ASB2: variants seen among roughly 807,000 people sequenced by gnomAD.
ASB2 encodes ankyrin repeat and SOCS box containing 2, also known as ankyrin repeat and SOCS box protein 2.
A neutral mutation model predicts 62.4 loss-of-function variants in ASB2; 58 were observed. The ratio of observed to expected loss-of-function variants is 0.93; its 90% confidence interval spans 0.75 to 1.16. The LOEUF is 1.16. Among genes scored for constraint, ASB2 ranks in the 50% most tolerant of loss-of-function variants. The probability of loss-of-function intolerance (pLI) is 0.00; values close to 1 mark genes in which losing one functional copy is unlikely to be tolerated. For synonymous variants in ASB2, 386 were observed against 385.3 expected, an observed-to-expected ratio of 1.00 and a Z score of -0.02; for missense variants, 928 against 887.9, an observed-to-expected ratio of 1.05 and a Z score of -0.57.
chr14:93,954,529 C>T (rs756913390), intron 3 of ASB2, 46 bp from the exon 4 acceptor site: 1 of 1,589,230 alleles, frequency 6.3e-7, no homozygotes, highest in Admixed American at 1.7e-5. Context: ...AGGCCAAGGC[C>T]AGGCCAGGGG....
intron 7 of ASB2, chr14:93,943,980 G>T (rs766934110): frequency 2.2e-6 from 1 of 456,058 alleles, no homozygotes; most frequent in South Asian, 1.5e-5. Flanking sequence ...AAAAACGAGG[G>T]AGGCAGAAGT....
chr14:93,944,390 T>C (rs895761948), intron 7 of ASB2, among the ~76,000 whole-genome samples: 1 of 152,262 alleles, frequency 6.6e-6, no homozygotes, highest in Non-Finnish European at 1.5e-5. Context: ...CACACCCGCA[T>C]GTCACCCCTT....
At position 93,956,854 on chromosome 14, in the gene ASB2, C is replaced by G; in HGVS notation, c.223G>C (p.Glu75Gln). ...YPWTRSTAPP[E>Q]SSPARAPMGL... ...ATTGGGGCCCGGGCCGGCGAACTCTCAGGAGGTGCAGTGGACCTGGAGGGT... is the reference window on the plus strand; with the variant it reads ...ATTGGGGCCCGGGCCGGCGAACTCTGAGGAGGTGCAGTGGACCTGGAGGGT... Residue 75 changes from glutamate to glutamine, a missense_variant, in exon 3 of 10, where the codon GAG (glutamate) becomes CAG (glutamine). By Grantham distance (29) the Glu-to-Gln change is conservative. Transcript: ENST00000555019. 6.2e-7 allele frequency: 1 copy of G among 1,614,192 alleles called. No individual in the cohort carries two copies. Among genetic ancestry groups the G allele is most frequent in the South Asian group, 1.1e-5 (1 of 91,090 alleles).
At chr14:93,947,647 C>T (rs192448195) in intron 6 of ASB2, 127 bp from the exon 7 acceptor site, 25 of 902,612 alleles carry the variant, frequency 2.8e-5, no homozygotes, top group African/African-American at 1.5e-4. Flanking sequence ...AACAACGACC[C>T]TTAGGAAGGA....
At chr14:93,969,565 G>T (rs913682370) in intron 1 of ASB2, among the ~76,000 whole-genome samples, 1 of 152,216 alleles carries the variant, frequency 6.6e-6, no homozygotes, top group Non-Finnish European at 1.5e-5. Context: ...GGGTTGGGCG[G>T]CCTTCTGGGC....
chr14:93,961,838 G>A (rs2141309369), intron 2 of ASB2, among the ~76,000 whole-genome samples: 1 of 152,320 alleles, frequency 6.6e-6, no homozygotes, highest in South Asian at 2.1e-4. Flanking sequence ...ACGTAATGAG[G>A]TCAAAACTTC....
At chr14:93,949,511 G>A (rs563858588) in intron 6 of ASB2, among the ~76,000 whole-genome samples, 83 of 152,362 alleles carry the variant, frequency 5.4e-4, no homozygotes, top group African/African-American at 1.9e-3. Context: ...CTCAGCAAAT[G>A]CCAGTTGCTC....
chr14:93,947,832 A>G (rs2141286114), intron 6 of ASB2, among the ~76,000 whole-genome samples: 1 of 151,924 alleles, frequency 6.6e-6, no homozygotes, highest in South Asian at 2.1e-4. Flanking sequence ...TGTCTTTACT[A>G]AAAATACAAA....
chr14:93,964,468 G>A lies in ASB2; in HGVS notation c.72C>T (p.Ser24=), dbSNP rs932292964. 8.2e-5 allele frequency: 126 copies of A among 1,535,932 alleles called. No individual in the cohort carries two copies. The highest frequency in any genetic ancestry group is 1.1e-4 in the Non-Finnish European group (121 of 1,146,890). The stretch of plus-strand genomic sequence containing the variant: ...TCTGCACCAGTTCATCCTCGCTCAG[G>A]CTGCTGTACAGGCTGTACTCCTCCT... ...IGQEEYSLYS[S]LSEDELVQMA... Residue 24 remains serine (S), a synonymous_variant, in exon 2 of 10, where the codon AGC becomes AGT. Coordinates refer to ENST00000555019, the MANE Select transcript of ASB2 (RefSeq NM_001202429.2).
rs1454314219 is a variant in ASB2 at position 93,942,869 on chromosome 14, GA to G, written c.1053-3198del. 3.2e-3 allele frequency among the ~76,000 whole-genome samples: 484 copies of G among 152,316 alleles called. 4 individuals carry two copies. Among genetic ancestry groups the G allele is most frequent in the African/African-American group, 0.011 (467 of 41,562 alleles). ...TAATAGTGATGATGATGATGATGAT[GA>G]TGATGGTGATAGCTATAGCTACCCT... is the stretch of plus-strand genomic sequence containing the variant. On this transcript the variant is annotated intron_variant, in intron 7 of 9. Coordinates refer to ENST00000555019, the MANE Select transcript of ASB2 (RefSeq NM_001202429.2).
In ASB2 at chr14:93,934,271, G is replaced by A; in HGVS notation, c.*385C>T. On this transcript the variant is annotated 3_prime_UTR_variant, in exon 10 of 10. Coordinates refer to ENST00000555019, the MANE Select transcript of ASB2 (RefSeq NM_001202429.2). ...ACGTCTTCATCTTAGTCTTTGGAGAGAAAGCTCTGAAGTCAAGTGGTGAGT... is the reference window on the plus strand; with the variant it reads ...ACGTCTTCATCTTAGTCTTTGGAGAAAAAGCTCTGAAGTCAAGTGGTGAGT... The A allele has an allele frequency of 2.2e-6, 1 of 459,152 alleles. No individual in the cohort carries two copies. Among genetic ancestry groups the A allele is most frequent in the South Asian group, 1.6e-5 (1 of 63,870 alleles). 28.4% of individuals were successfully genotyped at this position (459,152 alleles called of 1,614,324 possible).
chr14:93,964,872 T>C (rs1242209851), intron 1 of ASB2, among the ~76,000 whole-genome samples: 1 of 151,898 alleles, frequency 6.6e-6, no homozygotes, highest in African/African-American at 2.4e-5. Context: ...CCGAGCTATA[T>C]ATTATCTACC....
chr14:93,964,232 A>C, intron 2 of ASB2, 102 bp downstream of exon 2: 2 of 1,067,976 alleles, frequency 1.9e-6, no homozygotes, highest in Non-Finnish European at 2.8e-6. Flanking sequence ...AAAGCAACCT[A>C]GAGACCAGGA....
intron 8 of ASB2, 94 bp downstream of exon 8, chr14:93,939,014 C>A: frequency 8.5e-7 from 1 of 1,177,734 alleles, no homozygotes; most frequent in Non-Finnish European, 1.1e-6. Context: ...CCAAGGAGCG[C>A]GAACCACCCG....
chr14:93,966,191 G>T (rs1469599502), intron 1 of ASB2, among the ~76,000 whole-genome samples: 1 of 152,228 alleles, frequency 6.6e-6, no homozygotes, highest in Non-Finnish European at 1.5e-5. Flanking sequence ...AGATCCTGCG[G>T]ATAGTCCCCT....
At chr14:93,969,294 G>A (rs962246350) in intron 1 of ASB2, among the ~76,000 whole-genome samples, 5 of 152,198 alleles carry the variant, frequency 3.3e-5, no homozygotes, top group Non-Finnish European at 7.3e-5. Flanking sequence ...GACAGGTGGT[G>A]CTGCTCAGCC....
intron 7 of ASB2, among the ~76,000 whole-genome samples, chr14:93,946,757 T>C (rs971234536): frequency 1.3e-5 from 2 of 152,380 alleles, no homozygotes; most frequent in Non-Finnish European, 2.9e-5. Flanking sequence ...ACTCAGAGTA[T>C]CTAGCACTTA....
chr14:93,971,957 TTA>T (rs1889766710), intron 1 of ASB2, among the ~76,000 whole-genome samples: 2 of 149,686 alleles, frequency 1.3e-5, no homozygotes, highest in Admixed American at 1.3e-4. Flanking sequence ...GCTACATGTA[TTA>T]TATATATTAT....
At chr14:93,953,324 A>G (rs916762737) in intron 5 of ASB2, 28 bp downstream of exon 5, 2 of 1,520,590 alleles carry the variant, frequency 1.3e-6, no homozygotes, top group African/African-American at 2.8e-5. Context: ...CTTCCGCAGG[A>G]AAGCTCACTC....
Sources: allele counts gnomAD v4.1 joint callset (sites outside exome capture counted in the v4.1 genomes callset), GRCh38; gene constraint gnomAD v4.1.1; transcripts MANE v1.5; gene names NCBI Gene and HGNC (gene_info 2026-07-23, HGNC 2026-07-21).